The following TTC39B variants were observed in gnomAD, a reference collection of about 807,000 sequenced individuals.
The protein encoded by TTC39B is tetratricopeptide repeat domain 39B, also known as tetratricopeptide repeat protein 39B.
A neutral mutation model predicts 96.6 loss-of-function variants in TTC39B; 92 were observed. The observed-to-expected ratio is 0.95, with a 90% confidence interval of 0.80 to 1.13. The LOEUF (loss-of-function observed/expected upper bound fraction) is 1.13, where lower values mean the gene tolerates loss of function less well. TTC39B is among the 50% of genes most tolerant of loss of function. The probability of loss-of-function intolerance (pLI) is 0.00; values close to 1 mark genes in which losing one functional copy is unlikely to be tolerated. For synonymous variants in TTC39B, 367 were observed against 299.4 expected, an observed-to-expected ratio of 1.23 and a Z score of -2.33; for missense variants, 955 against 809.3, an observed-to-expected ratio of 1.18 and a Z score of -2.18.
intron 2 of TTC39B, chr9:15,249,993 G>T: frequency 7.8e-7 from 1 of 1,287,218 alleles, no homozygotes. Flanking sequence ...TCTTCTACCA[G>T]ATTTTTTTTT....
At chr9:15,272,232 A>G (rs3853430) in intron 1 of TTC39B, among the ~76,000 whole-genome samples, 48,002 of 152,088 alleles carry the variant, frequency 0.32, 11,822 homozygotes, top group African/African-American at 0.69. Context: ...CCTGGCCCTC[A>G]GTAGTCACGC....
chr9:15,199,506 C>T (rs944793798), intron 8 of TTC39B, among the ~76,000 whole-genome samples: 11 of 151,900 alleles, frequency 7.2e-5, no homozygotes, highest in Admixed American at 4.6e-4. Flanking sequence ...GAGGCTGAGG[C>T]GGGCGGATCA....
intron 1 of TTC39B, among the ~76,000 whole-genome samples, chr9:15,303,677 C>G (rs907192649): frequency 6.6e-6 from 1 of 151,768 alleles, no homozygotes; most frequent in Non-Finnish European, 1.5e-5. Context: ...TTGTTGCCCC[C>G]GCTGGAGTAC....
chr9:15,203,884 A>T, exon 7 of TTC39B: 1 of 1,613,084 alleles, frequency 6.2e-7, no homozygotes, highest in Non-Finnish European at 8.5e-7. Flanking sequence ...TTCAGCATGC[A>T]TTTCCTCTAC....
intron 6 of TTC39B, among the ~76,000 whole-genome samples, chr9:15,204,323 G>T (rs1819719499): frequency 6.6e-6 from 1 of 152,050 alleles, no homozygotes; most frequent in African/African-American, 2.4e-5. Context: ...GAGGTCAGGA[G>T]ATCGAGACCA....
chr9:15,292,932 G>A (rs1204101846), intron 1 of TTC39B, among the ~76,000 whole-genome samples: 3 of 152,158 alleles, frequency 2.0e-5, no homozygotes, highest in Admixed American at 1.3e-4. Context: ...CATAAATGTG[G>A]TGCAGCTTAA....
At chr9:15,201,586 A>G (rs1424209167) in intron 7 of TTC39B, among the ~76,000 whole-genome samples, 2 of 152,204 alleles carry the variant, frequency 1.3e-5, no homozygotes, top group African/African-American at 2.4e-5. Context: ...AAGTGGAAAG[A>G]CAGGGTGGCA....
chr9:15,200,865 G>A (rs770795632), intron 7 of TTC39B, among the ~76,000 whole-genome samples: 1 of 152,188 alleles, frequency 6.6e-6, no homozygotes, highest in African/African-American at 2.4e-5. Flanking sequence ...CGGGCATGGT[G>A]GCGGGTGCCT....
At chr9:15,165,140 A>T (rs1157325471) in exon 20 of TTC39B, 1 of 152,266 alleles carries the variant, frequency 6.6e-6, no homozygotes, top group African/African-American at 2.4e-5. Context: ...TGAGGTCAGG[A>T]GTTCGAGACC....
chr9:15,248,653 G>A (rs1052851158), intron 2 of TTC39B, among the ~76,000 whole-genome samples: 1 of 151,274 alleles, frequency 6.6e-6, no homozygotes, highest in Non-Finnish European at 1.5e-5. Context: ...ACGAATATAA[G>A]ATCTTTGCAA....
At chr9:15,299,286 CATA>C (rs1301965959) in intron 1 of TTC39B, among the ~76,000 whole-genome samples, 4 of 152,164 alleles carry the variant, frequency 2.6e-5, no homozygotes, top group African/African-American at 9.7e-5. Context: ...TATATGACAG[CATA>C]ATATCAGCAG....
intron 3 of TTC39B, among the ~76,000 whole-genome samples, chr9:15,225,460 C>T (rs955277687): frequency 8.6e-5 from 13 of 151,802 alleles, no homozygotes; most frequent in African/African-American, 2.2e-4. Flanking sequence ...TAATATTTGA[C>T]GAAAAAATCT....
intron 1 of TTC39B, among the ~76,000 whole-genome samples, chr9:15,285,356 T>G (rs1823929902): frequency 6.6e-6 from 1 of 152,212 alleles, no homozygotes; most frequent in African/African-American, 2.4e-5. Flanking sequence ...AAAAACTTTT[T>G]ATTTAGAAAT....
intron 1 of TTC39B, among the ~76,000 whole-genome samples, chr9:15,276,621 G>A (rs541000613): frequency 9.3e-4 from 142 of 152,296 alleles, no homozygotes; most frequent in African/African-American, 3.3e-3. Context: ...TAAGTACTAC[G>A]CACTATAAAT....
chr9:15,189,836 G>T, intron 11 of TTC39B, 44 bp from the exon 12 acceptor site: 1 of 1,372,426 alleles, frequency 7.3e-7, no homozygotes, highest in Non-Finnish European at 1.0e-6. Context: ...TAAGACATGG[G>T]GATATTTATA....
chr9:15,249,634 A>T (rs1822441658), intron 2 of TTC39B: 1 of 170,408 alleles, frequency 5.9e-6, no homozygotes, highest in African/African-American at 2.4e-5. Context: ...TCCCGGGAAG[A>T]CCAGATCCTC....
rs1206330695 is a variant in TTC39B at position 15,233,347 on chromosome 9, CCTCT to C, written c.276-7339_276-7336del. ...ACCTCGCCCTCTCCCTCTCCCTCTC[CCTCT>C]CTCTCCCCACGGTCTCCCTCTCCCT... On this transcript the variant is annotated intron_variant, in intron 2 of 19. Transcript: ENST00000512701. 7.2e-5 allele frequency among the ~76,000 whole-genome samples: 11 copies of C among 152,092 alleles called. No individual in the cohort carries two copies. In the South Asian group the frequency reaches 2.3e-3, roughly 32 times the overall value.
chr9:15,224,848 T>C (rs1821034849), intron 3 of TTC39B, among the ~76,000 whole-genome samples: 2 of 152,238 alleles, frequency 1.3e-5, no homozygotes, highest in African/African-American at 4.8e-5. Context: ...ATTTTCACTT[T>C]ATCTCCATTC....
rs149618540 is a variant in TTC39B, at chr9:15,207,276, A to T, written c.691+2812T>A. ...TAGCCTCCCAAGTAGCTGGGATTAC[A>T]GGCACAAGCCACCAGGCCCAGCCTA... On this transcript the variant is annotated intron_variant, in intron 6 of 19. Coordinates refer to ENST00000512701, the Ensembl canonical transcript of TTC39B. Among the ~76,000 whole-genome samples the T allele has an allele frequency of 6.9e-3, 1,046 of 152,344 alleles. 14 individuals are homozygous for T. Among genetic ancestry groups the T allele is most frequent in the African/African-American group, 0.024 (985 of 41,576 alleles).
Sources: allele counts gnomAD v4.1 joint callset (sites outside exome capture counted in the v4.1 genomes callset), GRCh38; gene constraint gnomAD v4.1.1; transcripts MANE v1.5; gene names NCBI Gene and HGNC (gene_info 2026-07-23, HGNC 2026-07-21).